FHAD1: variants seen among roughly 807,000 people sequenced by gnomAD.
FHAD1 encodes the protein forkhead-associated domain-containing protein 1.
A neutral mutation model predicts 191.3 loss-of-function variants in FHAD1; 146 were observed. The observed-to-expected ratio is 0.76, with a 90% CI of 0.67 to 0.88. The LOEUF (loss-of-function observed/expected upper bound fraction) is 0.88, where lower values mean the gene tolerates loss of function less well. Among genes scored for constraint, FHAD1 ranks in the 40% least tolerant of loss-of-function variants. FHAD1 has a pLI of 0.00. For synonymous variants in FHAD1, 616 were observed against 672.3 expected, an observed-to-expected ratio of 0.92 and a Z score of 1.29; for missense variants, 1,635 against 1,785.8, an observed-to-expected ratio of 0.92 and a Z score of 1.52.
chr1:15,288,424 C>T (rs1005037852), intron 3 of FHAD1, among the ~76,000 whole-genome samples: 1 of 152,260 alleles, frequency 6.6e-6, no homozygotes, highest in Non-Finnish European at 1.5e-5. Context: ...TTCCCCGGGG[C>T]CTCTGCCAGA....
intron 25 of FHAD1, 96 bp downstream of exon 25, chr1:15,367,718 G>C (rs984408633): frequency 1.0e-6 from 1 of 972,710 alleles, no homozygotes; most frequent in Non-Finnish European, 1.5e-6. Flanking sequence ...GCTGCTTGAG[G>C]AGTTGAATGA....
chr1:15,247,567 T>C (rs1487574995), intron 1 of FHAD1, among the ~76,000 whole-genome samples, 172 bp downstream of exon 1: 2 of 152,000 alleles, frequency 1.3e-5, no homozygotes, highest in Non-Finnish European at 2.9e-5. Flanking sequence ...GCCCCTCCTT[T>C]CCAGATGCAG....
intron 2 of FHAD1, among the ~76,000 whole-genome samples, chr1:15,266,533 A>G (rs2101086043): frequency 6.6e-6 from 1 of 152,116 alleles, no homozygotes; most frequent in African/African-American, 2.4e-5. Flanking sequence ...CCCTATTATT[A>G]ACATCTTCGT....
At chr1:15,384,591 T>A (rs1369299278) in intron 31 of FHAD1, 3 of 152,148 alleles carry the variant, frequency 2.0e-5, no homozygotes, top group Non-Finnish European at 4.4e-5. Context: ...ATTCATGGCC[T>A]CCCTAGGCAC....
chr1:15,250,429 C>T (rs558297297), intron 1 of FHAD1, among the ~76,000 whole-genome samples: 22 of 152,176 alleles, frequency 1.4e-4, no homozygotes, highest in Non-Finnish European at 2.1e-4. Flanking sequence ...GGCAAAATGC[C>T]GATGGTAGAA....
intron 3 of FHAD1, among the ~76,000 whole-genome samples, chr1:15,286,359 T>A (rs1259008745): frequency 1.3e-5 from 2 of 152,006 alleles, no homozygotes; most frequent in African/African-American, 4.8e-5. Context: ...AAAATTTAGC[T>A]GGGCCTTGTG....
intron 2 of FHAD1, among the ~76,000 whole-genome samples, chr1:15,270,158 G>A (rs1270508764): frequency 1.3e-5 from 2 of 152,006 alleles, no homozygotes; most frequent in Admixed American, 6.5e-5. Flanking sequence ...GGATCTGCCC[G>A]CCCTGGCCTC....
At chr1:15,274,414 C>T (rs1361138617) in intron 3 of FHAD1, among the ~76,000 whole-genome samples, 2 of 152,040 alleles carry the variant, frequency 1.3e-5, no homozygotes, top group African/African-American at 4.8e-5. Flanking sequence ...TTGCGACCAG[C>T]CTGGGCAACA....
Position 15,318,087 on chromosome 1 carries a change from G to T in FHAD1, c.1365+159G>T, listed in dbSNP as rs1675059928. 6.6e-6 allele frequency among the ~76,000 whole-genome samples: 1 copy of T among 152,192 alleles called. No homozygotes were observed. Among genetic ancestry groups the T allele is most frequent in the Admixed American group, 6.5e-5 (1 of 15,274 alleles). Reference sequence around the variant, plus strand: ...ACAGGGACCAGGTTCACTGCATAAAGTAGTTGTGGCAGGACTTGAACCCAG... The same window carrying T: ...ACAGGGACCAGGTTCACTGCATAAATTAGTTGTGGCAGGACTTGAACCCAG... On this transcript the variant is annotated intron_variant, in intron 10 of 33. Transcript: ENST00000688493. This position sits in a 1 kb window ranked among gnomAD's most constrained non-coding sequence, Gnocchi z 4.1.
intron 3 of FHAD1, among the ~76,000 whole-genome samples, chr1:15,277,499 G>A (rs573663310): frequency 1.4e-4 from 21 of 152,260 alleles, no homozygotes; most frequent in African/African-American, 5.1e-4. Flanking sequence ...GAAGCCCAAA[G>A]AGGTTCTGCA....
chr1:15,261,364 G>A (rs985230009), intron 2 of FHAD1, among the ~76,000 whole-genome samples: 2 of 152,156 alleles, frequency 1.3e-5, no homozygotes, highest in African/African-American at 2.4e-5. Flanking sequence ...GAGGACTTCC[G>A]GAACGGGGGT....
chr1:15,279,739 C>G (rs1018662508), intron 3 of FHAD1, among the ~76,000 whole-genome samples: 2 of 151,966 alleles, frequency 1.3e-5, no homozygotes, highest in Admixed American at 1.3e-4. Context: ...ATCCCCGAAC[C>G]AATCAGTGAG....
chr1:15,332,401 A>G (rs1465214584), intron 14 of FHAD1, among the ~76,000 whole-genome samples: 3 of 152,182 alleles, frequency 2.0e-5, no homozygotes, highest in African/African-American at 4.8e-5. Context: ...CTAGTCATAT[A>G]TTATTGTTAA....
intron 2 of FHAD1, among the ~76,000 whole-genome samples, chr1:15,259,294 G>C (rs1388240975): frequency 6.6e-6 from 1 of 152,150 alleles, no homozygotes; most frequent in African/African-American, 2.4e-5. Context: ...ATGTGTTACA[G>C]AGCTTTATCC....
chr1:15,349,054 A>G lies in FHAD1; in HGVS notation c.2359A>G (p.Ser787Gly). 1.3e-6 allele frequency: 2 copies of G among 1,551,596 alleles called. No homozygotes were observed. Among genetic ancestry groups the G allele is most frequent in the Non-Finnish European group, 1.7e-6 (2 of 1,146,890 alleles). Residue 787 changes from serine (S) to glycine (G), a missense_variant, in exon 19 of 34, where the codon AGC becomes GGC. Transcript: ENST00000688493. ...CGTTGATTTTCAGGTTTTGGAGAGCAGCATAGCCCATGAAAAAAGAAAAGC... is the reference window on the plus strand; with the variant it reads ...CGTTGATTTTCAGGTTTTGGAGAGCGGCATAGCCCATGAAAAAAGAAAAGC... ...LARQKEVLES[S>G]IAHEKRKAKE... is the part of the protein sequence containing the mutation.
intron 14 of FHAD1, among the ~76,000 whole-genome samples, chr1:15,336,575 T>G (rs1684203628): frequency 6.6e-6 from 1 of 152,176 alleles, no homozygotes; most frequent in Non-Finnish European, 1.5e-5. Flanking sequence ...TTCCTTCCCT[T>G]TGCCATCAAA....
At chr1:15,359,387 C>T (rs779134154) in intron 21 of FHAD1, among the ~76,000 whole-genome samples, 12 of 151,994 alleles carry the variant, frequency 7.9e-5, no homozygotes, top group South Asian at 2.1e-4. Flanking sequence ...AGGCCCAGCA[C>T]GTCACCTGGG....
intron 32 of FHAD1, among the ~76,000 whole-genome samples, chr1:15,389,753 G>T (rs1182136534): frequency 1.3e-5 from 2 of 152,080 alleles, no homozygotes; most frequent in Non-Finnish European, 2.9e-5. Flanking sequence ...GCCAAATGGG[G>T]TTGCCAGATT....
chr1:15,352,693 G>A (rs865835419), intron 19 of FHAD1, among the ~76,000 whole-genome samples, 184 bp from the exon 20 acceptor site: 45 of 151,964 alleles, frequency 3.0e-4, no homozygotes, highest in Non-Finnish European at 6.3e-4. Context: ...TATGGCTCCC[G>A]GGTTCTCACC....
Sources: allele counts gnomAD v4.1 joint callset (sites outside exome capture counted in the v4.1 genomes callset), GRCh38; gene constraint gnomAD v4.1.1; non-coding constraint Gnocchi (gnomAD v3.1); transcripts MANE v1.5; gene names NCBI Gene and HGNC (gene_info 2026-07-23, HGNC 2026-07-21).